The following PIK3C2B variants were observed in gnomAD, a reference collection of about 807,000 sequenced individuals.
PIK3C2B encodes the protein phosphatidylinositol 4-phosphate 3-kinase C2 domain-containing subunit beta.
In PIK3C2B, 83 loss-of-function variants were observed where a neutral mutation model predicts 184.3. The ratio of observed to expected loss-of-function variants is 0.45; its 90% CI spans 0.38 to 0.54. The LOEUF (loss-of-function observed/expected upper bound fraction) is 0.54, where lower values mean the gene tolerates loss of function less well. Ranked by LOEUF, PIK3C2B falls within the 20% of genes least tolerant of loss-of-function variation. The probability of loss-of-function intolerance (pLI) is 0.00; values close to 1 mark genes in which losing one functional copy is unlikely to be tolerated. For synonymous variants in PIK3C2B, 779 were observed against 837.6 expected, an observed-to-expected ratio of 0.93 and a Z score of 1.21; for missense variants, 1,736 against 2,113.5, an observed-to-expected ratio of 0.82 and a Z score of 3.50.
intron 12 of PIK3C2B, among the ~76,000 whole-genome samples, chr1:204,452,135 C>G (rs1654414972): frequency 6.6e-6 from 1 of 152,112 alleles, no homozygotes; most frequent in South Asian, 2.1e-4. Flanking sequence ...AGGCAGGGGA[C>G]TGCCCCTTTA....
rs59213677 is a variant in PIK3C2B at position 204,482,771 on chromosome 1, A to G, written c.-85+11585T>C. ...TGCACTGCACTCTGTCTCAAAAAAAAAAAAGAACTGAGAAACAAGATATTC... is the reference window on the plus strand; with the variant it reads ...TGCACTGCACTCTGTCTCAAAAAAAGAAAAGAACTGAGAAACAAGATATTC... On this transcript the variant is annotated intron_variant, in intron 1 of 32. Coordinates refer to ENST00000684373, the MANE Select transcript of PIK3C2B (RefSeq NM_001377334.1). 4.5e-4 allele frequency among the ~76,000 whole-genome samples: 68 copies of G among 152,208 alleles called. No homozygotes were observed. The East Asian group carries it at 0.011, about 24-fold the overall frequency.
chr1:204,456,897 CACACACACACCCACACACACACACACA>C (rs1654896492), intron 10 of PIK3C2B, 113 bp downstream of exon 10: 13 of 468,700 alleles, frequency 2.8e-5, no homozygotes, highest in South Asian at 7.4e-5. Flanking sequence ...CACACACACA[CACACACACACCCACACACACACACACA>C]CCAGCCGAAC....
intron 8 of PIK3C2B, 132 bp from the exon 9 acceptor site, chr1:204,458,006 T>G (rs1293655536): frequency 2.8e-6 from 2 of 702,014 alleles, no homozygotes; most frequent in Non-Finnish European, 4.6e-6. Flanking sequence ...GGGGTAAATG[T>G]GCAATACATT....
At chr1:204,451,915 G>A (rs1013437183) in intron 12 of PIK3C2B, among the ~76,000 whole-genome samples, 14 of 152,180 alleles carry the variant, frequency 9.2e-5, no homozygotes, top group Admixed American at 2.0e-4. Context: ...ATCCTGTAGG[G>A]TAGGCCCTAT....
In PIK3C2B at chr1:204,468,725, C is replaced by A. The variant is rs191702983; in HGVS notation, c.933+145G>T. 1.9e-3 allele frequency: 1,317 copies of A among 692,634 alleles called. 4 individuals are homozygous for A. Among genetic ancestry groups the A allele is most frequent in the Admixed American group, 7.8e-3 (234 of 29,878 alleles). 42.9% of individuals were successfully genotyped at this position (692,634 alleles called of 1,614,324 possible). The stretch of plus-strand genomic sequence containing the variant: ...AATCAAGCCTCCCCTGGACCTCCCC[C>A]ACCAGGGCCAGGGTCCCAAAGAGGG... On this transcript the variant is annotated intron_variant, in intron 2 of 32. Coordinates refer to ENST00000684373, the MANE Select transcript of PIK3C2B (RefSeq NM_001377334.1).
chr1:204,427,732 G>A lies in PIK3C2B; in HGVS notation c.4503C>T (p.Val1501=), dbSNP rs140594780. The change falls in exon 31 of 33, where the codon GTC becomes GTT. Residue 1501 remains valine, a synonymous_variant. Transcript: ENST00000684373. ...GCTTCACCTCCCCTCCCACCTTTCC[G>A]ACGGGCCGGGCCCATGTGCCATCTG... is the stretch of plus-strand genomic sequence containing the variant. ...KSSDGTWARP[V]GKVGGEVKLS... is the part of the protein sequence containing the mutation. The A allele has an allele frequency of 2.8e-4, 450 of 1,613,738 alleles. 5 individuals are homozygous for A. The South Asian group carries it at 3.3e-3, about 12-fold the overall frequency.
At chr1:204,436,630 C>T (rs1019013600) in intron 23 of PIK3C2B, among the ~76,000 whole-genome samples, 1 of 152,192 alleles carries the variant, frequency 6.6e-6, no homozygotes, top group Non-Finnish European at 1.5e-5. Context: ...TAGTTTCTCT[C>T]TGTGTGTATT....
intron 1 of PIK3C2B, among the ~76,000 whole-genome samples, chr1:204,482,752 G>A (rs1236456766): frequency 6.6e-6 from 1 of 151,468 alleles, no homozygotes; most frequent in Non-Finnish European, 1.5e-5. Flanking sequence ...CCACTGCACT[G>A]CACTCTGTCT....
At chr1:204,426,247 C>A (rs914755210) in intron 31 of PIK3C2B, among the ~76,000 whole-genome samples, 1 of 152,218 alleles carries the variant, frequency 6.6e-6, no homozygotes, top group Admixed American at 6.5e-5. Context: ...GAAAAAGCCA[C>A]GGTTCTTACT....
chr1:204,453,339 T>G (rs773731176), intron 12 of PIK3C2B, among the ~76,000 whole-genome samples: 1 of 152,230 alleles, frequency 6.6e-6, no homozygotes, highest in Non-Finnish European at 1.5e-5. Context: ...GTTTCCTTCC[T>G]GCTTTGCTTG....
In PIK3C2B at chr1:204,433,270, A is replaced by C; in HGVS notation, c.3953+46T>G. 3.9e-6 allele frequency: 4 copies of C among 1,017,328 alleles called. No individual in the cohort carries two copies. Among genetic ancestry groups the C allele is most frequent in the Non-Finnish European group, 6.2e-6 (4 of 646,648 alleles). 63.0% of individuals were successfully genotyped at this position (1,017,328 alleles called of 1,614,324 possible). ...CTCCTGCCAATCCGGCAGGCTGGGA[A>C]TTACTCAGGGTGGGCAGTGCTGATT... On this transcript the variant is annotated intron_variant, in intron 26 of 32. Coordinates refer to ENST00000684373, the MANE Select transcript of PIK3C2B (RefSeq NM_001377334.1). This position sits in a 1 kb window ranked among gnomAD's most constrained non-coding sequence, Gnocchi z 5.0.
chr1:204,450,201 C>A, intron 12 of PIK3C2B, 184 bp from the exon 13 acceptor site: 1 of 556,742 alleles, frequency 1.8e-6, no homozygotes, highest in Non-Finnish European at 3.2e-6. Flanking sequence ...GCAAAACCCC[C>A]ACTGGATGTT....
intron 30 of PIK3C2B, 48 bp downstream of exon 30, chr1:204,428,091 G>A (rs748018147): frequency 9.3e-7 from 1 of 1,075,580 alleles, no homozygotes; most frequent in Non-Finnish European, 1.4e-6. Flanking sequence ...GTTACCCTTG[G>A]GGTAGTTCAG....
At chr1:204,460,794 C>T in intron 5 of PIK3C2B, 133 bp from the exon 6 acceptor site, 1 of 646,518 alleles carries the variant, frequency 1.5e-6, no homozygotes, top group Non-Finnish European at 2.8e-6. Flanking sequence ...TTGTACCCTA[C>T]TTTGGCTCCT....
chr1:204,469,110 G>C lies in PIK3C2B; in HGVS notation c.693C>G (p.Ile231Met). The change falls in exon 2 of 33, where the codon ATC (isoleucine) becomes ATG (methionine). Residue 231 changes from isoleucine (I) to methionine (M), a missense_variant. This residue lies in a region of PIK3C2B where 404 missense variants were observed against 418.0 expected (regional missense o/e 0.97). Coordinates refer to ENST00000684373, the MANE Select transcript of PIK3C2B (RefSeq NM_001377334.1). ...AGTTGAGCCTAGTAATTGCATCATT[G>C]ATACCATCATAGTCCACAGACCCCA... is the stretch of plus-strand genomic sequence containing the variant. ...RLLGSVDYDGINDAITRLNLK... is the reference protein window; with the variant it reads ...RLLGSVDYDGMNDAITRLNLK... The C allele has an allele frequency of 6.2e-7, 1 of 1,613,860 alleles. No homozygotes were observed. The highest frequency in any genetic ancestry group is 1.3e-5 in the African/African-American group (1 of 75,004).
At chr1:204,427,569 C>A in intron 31 of PIK3C2B, 79 bp downstream of exon 31, 1 of 887,102 alleles carries the variant, frequency 1.1e-6, no homozygotes, top group Non-Finnish European at 1.9e-6. Flanking sequence ...ATATGACACG[C>A]GGCAGAGAAG....
chr1:204,469,302 AT>A lies in PIK3C2B; in HGVS notation c.500del (p.Asp167ValfsTer37). On this transcript the variant is annotated frameshift_variant, in exon 2 of 33. Transcript: ENST00000684373. LOFTEE classifies it high-confidence loss of function. ...CCTTTCTGGGAGGCAGGGGAGGGGT[AT>A]CCCAGATAGAAGCTCGGGGAGGCAG... ...PPLPPRASIWDTPPLPPRKGS... is the reference protein window; with the variant it reads ...PPLPPRASIWXTPPLPPRKGS... 1 of 1,537,566 alleles carries A rather than the reference AT, an allele frequency of 6.5e-7. No homozygotes were observed. Among genetic ancestry groups the A allele is most frequent in the Non-Finnish European group, 8.7e-7 (1 of 1,143,480 alleles).
At chr1:204,435,485 T>C (rs1220984183) in intron 23 of PIK3C2B, 3 of 152,128 alleles carry the variant, frequency 2.0e-5, no homozygotes, top group Non-Finnish European at 2.9e-5. Flanking sequence ...AAATTAGGAA[T>C]GAGGGAAAGC....
chr1:204,428,817 A>T (rs919366335), intron 29 of PIK3C2B: 23 of 402,850 alleles, frequency 5.7e-5, no homozygotes, highest in South Asian at 3.9e-4. Flanking sequence ...TAAAAAATAG[A>T]AGAAGCAAAT....
Sources: gnomAD v4.1 joint callset for allele counts (sites outside exome capture counted in the v4.1 genomes callset) on GRCh38, gnomAD v4.1.1 for gene constraint, gnomAD v4.1.1 regional missense constraint, Gnocchi (gnomAD v3.1) non-coding constraint, MANE v1.5 for transcripts, NCBI Gene and HGNC (gene_info 2026-07-23, HGNC 2026-07-21) for gene names.